Variants in HYCC1 observed in about 807,000 individuals in gnomAD.
HYCC1 encodes the protein hyccin PI4KA lipid kinase complex subunit 1.
chr7:23,006,726 T>C, the HYCC1 span, among the ~76,000 whole-genome samples: 1 of 152,222 alleles, frequency 6.6e-6, no homozygotes, highest in Admixed American at 6.5e-5. Flanking sequence ...CAAGTACAAA[T>C]GACTGAATTC....
At chr7:22,950,257 C>T in the HYCC1 span, among the ~76,000 whole-genome samples, 8 of 152,078 alleles carry the variant, frequency 5.3e-5, no homozygotes, top group South Asian at 2.1e-4. Context: ...ATAGCCCCCA[C>T]GTTTCACATA....
the HYCC1 span, among the ~76,000 whole-genome samples, chr7:22,933,944 T>C: frequency 2.6e-5 from 4 of 152,252 alleles, no homozygotes; most frequent in East Asian, 1.9e-4. Flanking sequence ...GGTGGGAAGA[T>C]AGAGTGGTGG....
At chr7:22,922,094 GAAAACAAA>G in the HYCC1 span, among the ~76,000 whole-genome samples, 1 of 151,326 alleles carries the variant, frequency 6.6e-6, no homozygotes, top group East Asian at 1.9e-4. Context: ...GAGACCCATG[GAAAACAAA>G]AAATCAAACG....
the HYCC1 span, among the ~76,000 whole-genome samples, chr7:22,925,930 G>A: frequency 2.0e-5 from 3 of 152,284 alleles, no homozygotes; most frequent in East Asian, 3.9e-4. Flanking sequence ...GGCAGCCAGA[G>A]AGAAAGGTCG....
chr7:22,980,488 A>C, the HYCC1 span, among the ~76,000 whole-genome samples: 2 of 152,304 alleles, frequency 1.3e-5, no homozygotes, highest in South Asian at 4.1e-4. Context: ...CAATTCATTC[A>C]TAAGTAACAA....
chr7:23,006,236 T>C, the HYCC1 span, among the ~76,000 whole-genome samples: 2 of 152,208 alleles, frequency 1.3e-5, no homozygotes, highest in East Asian at 1.9e-4. Context: ...AAAAGATAAA[T>C]ATAGAGTTTA....
chr7:22,987,678 AGACT>A, the HYCC1 span, among the ~76,000 whole-genome samples: 1 of 152,206 alleles, frequency 6.6e-6, no homozygotes, highest in East Asian at 1.9e-4. Flanking sequence ...TTAGGAGTTC[AGACT>A]GACTGTGCAA....
chr7:22,985,358 C>T, the HYCC1 span, among the ~76,000 whole-genome samples: 1 of 152,142 alleles, frequency 6.6e-6, no homozygotes, highest in Non-Finnish European at 1.5e-5. Context: ...ATCTCTGCAA[C>T]CACAGCACTC....
At chr7:22,968,825 A>G in the HYCC1 span, among the ~76,000 whole-genome samples, 1 of 152,106 alleles carries the variant, frequency 6.6e-6, no homozygotes, top group Non-Finnish European at 1.5e-5. Flanking sequence ...ATTTCTACTA[A>G]AAATACAAAA....
the HYCC1 span, among the ~76,000 whole-genome samples, chr7:22,928,826 GAA>G: frequency 6.7e-6 from 1 of 149,998 alleles, no homozygotes; most frequent in Admixed American, 6.6e-5. Flanking sequence ...CACAGAACTG[GAA>G]AAAAAAAACT....
At chr7:22,978,319 C>T in the HYCC1 span, 4 of 1,614,080 alleles carry the variant, frequency 2.5e-6, no homozygotes, top group East Asian at 6.7e-5. Context: ...CTGCTATGCA[C>T]ATTTCTGCTG....
At chr7:23,011,370 C>T in the HYCC1 span, among the ~76,000 whole-genome samples, 1 of 152,146 alleles carries the variant, frequency 6.6e-6, no homozygotes, top group African/African-American at 2.4e-5. Flanking sequence ...TCCACTGCTT[C>T]CTCAAATTCA....
chr7:22,979,719 T>C, the HYCC1 span, among the ~76,000 whole-genome samples: 2 of 152,188 alleles, frequency 1.3e-5, no homozygotes, highest in African/African-American at 4.8e-5. Flanking sequence ...TGAAATCTTA[T>C]TTGAAATTTT....
chr7:22,938,692 G>C, the HYCC1 span: 1 of 152,022 alleles, frequency 6.6e-6, no homozygotes, highest in African/African-American at 2.4e-5. Context: ...TAAAATACAA[G>C]ATCTCTTCAA....
At chr7:22,928,873 G>A in the HYCC1 span, among the ~76,000 whole-genome samples, 155 of 151,948 alleles carry the variant, frequency 1.0e-3, 1 homozygote, top group African/African-American at 3.6e-3. Flanking sequence ...AAAAGAGCCC[G>A]CATTGCCAAG....
At chr7:22,947,242 G>A in the HYCC1 span, 2 of 1,549,212 alleles carry the variant, frequency 1.3e-6, no homozygotes, top group East Asian at 2.4e-5. Context: ...TTGTTGTCAG[G>A]TTGCTCTAGA....
chr7:22,900,996 G>T, the HYCC1 span, among the ~76,000 whole-genome samples: 2 of 152,174 alleles, frequency 1.3e-5, no homozygotes, highest in African/African-American at 4.8e-5. Flanking sequence ...GAGGCAGGCA[G>T]ATTCCTTGAG....
At chr7:22,958,739 C>T in the HYCC1 span, among the ~76,000 whole-genome samples, 2 of 152,126 alleles carry the variant, frequency 1.3e-5, no homozygotes, top group African/African-American at 4.8e-5. Flanking sequence ...CACATACTCT[C>T]TCTCATATAC....
At chr7:22,925,935 A>T in the HYCC1 span, among the ~76,000 whole-genome samples, 1 of 152,188 alleles carries the variant, frequency 6.6e-6, no homozygotes, top group East Asian at 1.9e-4. Context: ...CCAGAGAGAA[A>T]GGTCGGGTTA....
Sources: allele counts gnomAD v4.1 joint callset (sites outside exome capture counted in the v4.1 genomes callset), GRCh38; gene constraint gnomAD v4.1.1; transcripts MANE v1.5; gene names NCBI Gene and HGNC (gene_info 2026-07-23, HGNC 2026-07-21).